The following ITPR1 variants were observed in gnomAD, a reference collection of about 807,000 sequenced individuals.
ITPR1 encodes the protein inositol 1,4,5-trisphosphate receptor type 1.
Under a neutral mutation model 318.4 loss-of-function variants are expected in ITPR1, and 96 were observed. That is an observed-to-expected ratio of 0.30 (90% CI 0.26 to 0.36). The LOEUF is 0.36. Among genes scored for constraint, ITPR1 ranks in the 10% least tolerant of loss-of-function variants. The pLI is 1.00. For synonymous variants in ITPR1, 1,312 were observed against 1,289.9 expected, an observed-to-expected ratio of 1.02 and a Z score of -0.37; for missense variants, 2,440 against 3,460.2, an observed-to-expected ratio of 0.71 and a Z score of 7.40.
At chr3:4,833,455 A>G (rs2050661704) in intron 60 of ITPR1, among the ~76,000 whole-genome samples, 4 of 152,234 alleles carry the variant, frequency 2.6e-5, no homozygotes, top group Admixed American at 2.6e-4. Flanking sequence ...AGGATTTGAA[A>G]GCCAGATTTT....
At chr3:4,709,017 T>C (rs1053104103) in intron 37 of ITPR1, among the ~76,000 whole-genome samples, 12 of 152,238 alleles carry the variant, frequency 7.9e-5, no homozygotes, top group African/African-American at 2.9e-4. Context: ...AGATGCAGGA[T>C]TTCATGAAAT....
intron 4 of ITPR1, among the ~76,000 whole-genome samples, chr3:4,621,140 C>A (rs115054628): frequency 3.3e-5 from 5 of 152,126 alleles, no homozygotes; most frequent in African/African-American, 9.6e-5. Context: ...ACTGTATTAG[C>A]GTAATGTTGT....
intron 4 of ITPR1, among the ~76,000 whole-genome samples, chr3:4,537,565 G>A (rs962285631): frequency 4.6e-5 from 7 of 152,198 alleles, no homozygotes; most frequent in African/African-American, 1.7e-4. Flanking sequence ...CTTGAGATGG[G>A]GAGAGTATCC....
chr3:4,655,159 A>G (rs905529157), intron 12 of ITPR1, among the ~76,000 whole-genome samples: 1 of 152,148 alleles, frequency 6.6e-6, no homozygotes, highest in Non-Finnish European at 1.5e-5. Flanking sequence ...GTTTCACAGG[A>G]TGGTTCTTGT....
rs59298980 is a variant in ITPR1, at chr3:4,732,486, G to GT, written c.5221-593dup. 2.7e-3 allele frequency among the ~76,000 whole-genome samples: 417 copies of GT among 151,766 alleles called. 1 individual carries two copies. Among genetic ancestry groups the GT allele is most frequent in the African/African-American group, 9.1e-3 (374 of 41,244 alleles). On this transcript the variant is annotated intron_variant, in intron 42 of 61. Coordinates refer to ENST00000649015, the MANE Select transcript of ITPR1 (RefSeq NM_001378452.1). The stretch of plus-strand genomic sequence containing the variant: ...CAAAATGCCATTTTACCTATGTTGG[G>GT]TTTTTTTTTATATATTTGATATCTG...
chr3:4,663,858 C>T (rs1238395341), intron 16 of ITPR1, among the ~76,000 whole-genome samples: 1 of 152,208 alleles, frequency 6.6e-6, no homozygotes, highest in Non-Finnish European at 1.5e-5. Context: ...TTACTGCATG[C>T]ATTGTTTTCC....
chr3:4,566,766 C>G (rs1243820361), intron 4 of ITPR1, among the ~76,000 whole-genome samples: 2 of 152,222 alleles, frequency 1.3e-5, no homozygotes, highest in Non-Finnish European at 2.9e-5. Context: ...TCAGCCCAAC[C>G]TGGGCCTGGG....
At chr3:4,675,948 A>G (rs967064000) in intron 23 of ITPR1, among the ~76,000 whole-genome samples, 3 of 152,118 alleles carry the variant, frequency 2.0e-5, no homozygotes, top group African/African-American at 7.2e-5. Flanking sequence ...TGAGGCTTAG[A>G]GGTAGTATGG....
At chr3:4,620,601 T>C (rs568084515) in intron 4 of ITPR1, among the ~76,000 whole-genome samples, 1 of 152,210 alleles carries the variant, frequency 6.6e-6, no homozygotes, top group Admixed American at 6.5e-5. Context: ...TTTCCATCTT[T>C]ATTTATTGCA....
intron 3 of ITPR1, among the ~76,000 whole-genome samples, chr3:4,518,356 C>T (rs2082312046): frequency 6.6e-6 from 1 of 152,182 alleles, no homozygotes; most frequent in Admixed American, 6.5e-5. Flanking sequence ...TAAGTGTTTT[C>T]CTCAAACATT....
intron 4 of ITPR1, among the ~76,000 whole-genome samples, chr3:4,602,872 T>C (rs900805242): frequency 6.6e-6 from 1 of 151,594 alleles, no homozygotes. Context: ...TGACTATTAA[T>C]GGGTATAGGA....
At chr3:4,596,635 T>A (rs769785980) in intron 4 of ITPR1, among the ~76,000 whole-genome samples, 1 of 152,232 alleles carries the variant, frequency 6.6e-6, no homozygotes, top group Non-Finnish European at 1.5e-5. Flanking sequence ...TATGACTGCC[T>A]CTGCTAGAAT....
At chr3:4,831,151 A>ACACACACACACT (rs1463536446) in intron 60 of ITPR1, 11 of 383,826 alleles carry the variant, frequency 2.9e-5, no homozygotes, top group African/African-American at 1.9e-4. Flanking sequence ...ACACACACAC[A>ACACACACACACT]CACTCACTCC....
At chr3:4,630,396 T>C (rs1342374711) in intron 5 of ITPR1, among the ~76,000 whole-genome samples, 1 of 152,004 alleles carries the variant, frequency 6.6e-6, no homozygotes, top group Non-Finnish European at 1.5e-5. Flanking sequence ...AAAGTCTAAA[T>C]CCCTAAAGTG....
chr3:4,707,089 A>G (rs1019084823), intron 37 of ITPR1, among the ~76,000 whole-genome samples: 2 of 152,196 alleles, frequency 1.3e-5, no homozygotes, highest in African/African-American at 4.8e-5. Context: ...AATCTTGGGA[A>G]AGTTACTTGA....
intron 2 of ITPR1, among the ~76,000 whole-genome samples, chr3:4,495,974 C>G (rs1202712927): frequency 6.6e-6 from 1 of 152,150 alleles, no homozygotes; most frequent in Non-Finnish European, 1.5e-5. Flanking sequence ...TAGCCACAAA[C>G]ATAGGGATAA....
intron 4 of ITPR1, among the ~76,000 whole-genome samples, chr3:4,627,272 A>G (rs2125128223): frequency 6.6e-6 from 1 of 152,306 alleles, no homozygotes; most frequent in South Asian, 2.1e-4. Context: ...ATGGGGTAGC[A>G]TTAACAACGT....
intron 39 of ITPR1, among the ~76,000 whole-genome samples, chr3:4,716,041 A>C (rs571386284): frequency 6.6e-6 from 1 of 152,354 alleles, no homozygotes; most frequent in African/African-American, 2.4e-5. Flanking sequence ...TATTAAAATT[A>C]TCACCAAAAT....
intron 2 of ITPR1, among the ~76,000 whole-genome samples, chr3:4,500,667 A>G (rs908991682): frequency 6.6e-6 from 1 of 152,182 alleles, no homozygotes; most frequent in Non-Finnish European, 1.5e-5. Context: ...TTTGCAAAGA[A>G]TTCTGAATAT....
Sources: gnomAD v4.1 joint callset for allele counts (sites outside exome capture counted in the v4.1 genomes callset) on GRCh38, gnomAD v4.1.1 for gene constraint, MANE v1.5 for transcripts, NCBI Gene and HGNC (gene_info 2026-07-23, HGNC 2026-07-21) for gene names.